The following RMDN2 variants were observed in gnomAD, a reference collection of about 807,000 sequenced individuals.
The protein encoded by RMDN2 is regulator of microtubule dynamics 2.
RMDN2 carries 61 observed loss-of-function variants against 52.8 expected under a neutral mutation model. The ratio of observed to expected loss-of-function variants is 1.16; its 90% CI spans 0.94 to 1.43. RMDN2 has a LOEUF of 1.43. RMDN2 is among the 40% of genes most tolerant of loss of function. RMDN2 has a pLI of 0.00. For missense variants in RMDN2, 592 were observed against 475.3 expected, an observed-to-expected ratio of 1.25 and a Z score of -2.28; for synonymous variants, 180 against 153.1, an observed-to-expected ratio of 1.18 and a Z score of -1.30.
chr2:37,935,944 A>G (rs985199335), intron 2 of RMDN2, among the ~76,000 whole-genome samples: 14 of 152,114 alleles, frequency 9.2e-5, no homozygotes, highest in Admixed American at 7.9e-4. Flanking sequence ...ACATGTGCAG[A>G]ACGTGCAGGT....
intron 10 of RMDN2, among the ~76,000 whole-genome samples, chr2:38,007,896 A>G (rs1378926602): frequency 1.3e-5 from 2 of 151,680 alleles, no homozygotes; most frequent in African/African-American, 2.4e-5. Flanking sequence ...AGAGATTCTG[A>G]TATGTTGTAT....
chr2:37,988,466 G>T (rs1674333715), intron 5 of RMDN2, among the ~76,000 whole-genome samples: 1 of 152,160 alleles, frequency 6.6e-6, no homozygotes, highest in Non-Finnish European at 1.5e-5. Context: ...TGAAAACAGA[G>T]ATCAAAAAGG....
At chr2:38,003,585 T>C (rs1443512623) in intron 8 of RMDN2, among the ~76,000 whole-genome samples, 24 of 151,690 alleles carry the variant, frequency 1.6e-4, no homozygotes, top group East Asian at 9.7e-4. Flanking sequence ...GATAGATAGA[T>C]AGATAGATAG....
At chr2:38,060,433 A>G (rs1235358605) in intron 10 of RMDN2, among the ~76,000 whole-genome samples, 2 of 152,188 alleles carry the variant, frequency 1.3e-5, no homozygotes, top group Non-Finnish European at 2.9e-5. Flanking sequence ...GTGTTTCCCC[A>G]CTTTTTTCCT....
At chr2:37,956,323 C>G (rs759336234) in intron 2 of RMDN2, among the ~76,000 whole-genome samples, 15 of 152,092 alleles carry the variant, frequency 9.9e-5, no homozygotes, top group Non-Finnish European at 1.8e-4. Flanking sequence ...CTAGGTTAAT[C>G]AATTCGCTGG....
intron 5 of RMDN2, among the ~76,000 whole-genome samples, chr2:37,983,583 A>G (rs1572934994): frequency 1.3e-5 from 2 of 152,348 alleles, no homozygotes; most frequent in Non-Finnish European, 1.5e-5. Flanking sequence ...TTAAATGTCA[A>G]TTTAATCTTA....
chr2:38,002,347 G>T (rs1435778339), intron 8 of RMDN2, among the ~76,000 whole-genome samples: 1 of 152,130 alleles, frequency 6.6e-6, no homozygotes, highest in Non-Finnish European at 1.5e-5. Flanking sequence ...AATGAAAACG[G>T]AGAATAAATC....
intron 10 of RMDN2, among the ~76,000 whole-genome samples, chr2:38,058,250 G>T (rs547393992): frequency 3.3e-5 from 5 of 152,218 alleles, no homozygotes; most frequent in African/African-American, 9.7e-5. Context: ...GCTAGGGAAG[G>T]GGGTGAAGGA....
chr2:38,021,608 C>G (rs761640741), downstream of RMDN2, among the ~76,000 whole-genome samples: 2 of 152,220 alleles, frequency 1.3e-5, no homozygotes, highest in Non-Finnish European at 2.9e-5. Context: ...AGAACTGTAC[C>G]ACTCACCGCG....
intron 7 of RMDN2, among the ~76,000 whole-genome samples, chr2:37,993,466 G>A (rs1675092611): frequency 6.6e-6 from 1 of 151,590 alleles, no homozygotes; most frequent in Admixed American, 6.6e-5. Context: ...GTGTGTGTTA[G>A]TCTGAAGTGT....
chr2:38,066,291 T>C (rs750175245), intron 10 of RMDN2, among the ~76,000 whole-genome samples: 4 of 152,228 alleles, frequency 2.6e-5, no homozygotes, highest in Non-Finnish European at 5.9e-5. Context: ...GCACAGCATT[T>C]GTCCTCAAAG....
intron 10 of RMDN2, among the ~76,000 whole-genome samples, chr2:38,005,996 A>G (rs1031463320): frequency 1.3e-5 from 2 of 152,176 alleles, no homozygotes; most frequent in African/African-American, 4.8e-5. Flanking sequence ...CAGGTTTGTC[A>G]AAGATCAGAT....
intron 10 of RMDN2, among the ~76,000 whole-genome samples, chr2:38,043,248 A>G (rs760021844): frequency 6.6e-6 from 1 of 152,118 alleles, no homozygotes; most frequent in African/African-American, 2.4e-5. Context: ...TGTAGTGACC[A>G]TCTCTGTGTC....
chr2:38,059,280 G>C lies in RMDN2; in HGVS notation c.1714-7702G>C, dbSNP rs1326972633. Among the ~76,000 whole-genome samples the C allele has an allele frequency of 2.6e-5, 4 of 152,270 alleles. No individual in the cohort carries two copies. The Middle Eastern group carries it at 0.01, about 388-fold the overall frequency. On this transcript the variant is annotated intron_variant, in intron 10 of 10. Coordinates refer to the RMDN2 transcript ENST00000234195. The stretch of plus-strand genomic sequence containing the variant: ...AGTGGCTACTACATTGTACAGCACA[G>C]GTCAGTAGGACAATAAACAGCTGGC...
At chr2:37,933,169 C>T (rs544801764) in intron 2 of RMDN2, among the ~76,000 whole-genome samples, 72 of 150,702 alleles carry the variant, frequency 4.8e-4, no homozygotes, top group Non-Finnish European at 8.7e-4. Context: ...ACATCTCAGA[C>T]GATGGGCGGC....
rs181448652 is a variant in RMDN2 at position 37,941,133 on chromosome 2, C to T, written c.452+11404C>T. Among the ~76,000 whole-genome samples, 17 of 152,236 alleles carry T rather than the reference C, an allele frequency of 1.1e-4. No individual in the cohort carries two copies. The East Asian group carries it at 3.3e-3, about 29-fold the overall frequency. On this transcript the variant is annotated intron_variant, in intron 2 of 10. Transcript: ENST00000354545. The stretch of plus-strand genomic sequence containing the variant: ...TGTTGCTTTCTCTTTGTTAGTTTTC[C>T]TTCTAACAGTCAGGCCCCTCTTCTG...
rs189433778 is a variant in RMDN2, at chr2:38,039,698, C to G, written c.1714-27284C>G. Reference sequence around the variant, plus strand: ...TGTCTGAGGCTGCAGAATGGGTTCCCTGAAGGTGCACATGGGGTCAGAAGG... The same window carrying G: ...TGTCTGAGGCTGCAGAATGGGTTCCGTGAAGGTGCACATGGGGTCAGAAGG... On this transcript the variant is annotated intron_variant, in intron 10 of 10. Transcript: ENST00000234195. Among the ~76,000 whole-genome samples the G allele has an allele frequency of 3.3e-3, 501 of 152,270 alleles. 1 individual carries two copies. Among genetic ancestry groups the G allele is most frequent in the African/African-American group, 0.011 (471 of 41,534 alleles).
At chr2:37,996,764 TA>T (rs1310268569) in intron 7 of RMDN2, among the ~76,000 whole-genome samples, 1 of 152,182 alleles carries the variant, frequency 6.6e-6, no homozygotes, top group East Asian at 1.9e-4. Flanking sequence ...ATCTAATATT[TA>T]TATTTGGGGA....
intron 2 of RMDN2, among the ~76,000 whole-genome samples, chr2:37,938,844 C>A (rs1178944541): frequency 6.6e-6 from 1 of 152,120 alleles, no homozygotes; most frequent in Non-Finnish European, 1.5e-5. Flanking sequence ...TTTCAAAACA[C>A]CAGCTCCTGG....
Sources: allele counts gnomAD v4.1 joint callset (sites outside exome capture counted in the v4.1 genomes callset), GRCh38; gene constraint gnomAD v4.1.1; transcripts MANE v1.5; gene names NCBI Gene and HGNC (gene_info 2026-07-23, HGNC 2026-07-21).